PEAK1: variants seen among roughly 807,000 people sequenced by gnomAD.
The protein encoded by PEAK1 is inactive tyrosine-protein kinase PEAK1.
In PEAK1, 54 loss-of-function variants were observed where a neutral mutation model predicts 124.7. The observed-to-expected ratio is 0.43, with a 90% confidence interval of 0.35 to 0.54. The LOEUF is 0.54. Among genes scored for constraint, PEAK1 ranks in the 20% least tolerant of loss-of-function variants. The pLI, the probability that PEAK1 is intolerant of heterozygous loss-of-function variation, is 0.01. For missense variants in PEAK1, 2,046 were observed against 2,134.5 expected, an observed-to-expected ratio of 0.96 and a Z score of 0.82; for synonymous variants, 719 against 760.0, an observed-to-expected ratio of 0.95 and a Z score of 0.89.
At chr15:77,235,821 G>A (rs1459335528) in intron 6 of PEAK1, among the ~76,000 whole-genome samples, 2 of 152,220 alleles carry the variant, frequency 1.3e-5, no homozygotes, top group Non-Finnish European at 2.9e-5. Flanking sequence ...GCTGTGTTAA[G>A]ACATGGTGCC....
intron 2 of PEAK1, chr15:77,334,887 C>T (rs546643455): frequency 1.0e-6 from 1 of 985,344 alleles, no homozygotes; most frequent in Non-Finnish European, 1.2e-6. Flanking sequence ...TGTCAGATTG[C>T]TTCCTTTTTA....
intron 2 of PEAK1, among the ~76,000 whole-genome samples, chr15:77,293,755 G>A (rs1323602318): frequency 6.6e-6 from 1 of 152,132 alleles, no homozygotes; most frequent in Admixed American, 6.5e-5. Flanking sequence ...CTCTAGTCTA[G>A]TGTATGCTGA....
chr15:77,305,361 T>A (rs906658068), intron 2 of PEAK1, among the ~76,000 whole-genome samples: 1 of 151,964 alleles, frequency 6.6e-6, no homozygotes. Context: ...GCAGAGAAAT[T>A]AAGTCATTTG....
At chr15:77,182,900 C>A (rs2057358013) in intron 6 of PEAK1, among the ~76,000 whole-genome samples, 1 of 151,964 alleles carries the variant, frequency 6.6e-6, no homozygotes. Flanking sequence ...ATCCAATTTG[C>A]ATTTTAAAAA....
intron 6 of PEAK1, among the ~76,000 whole-genome samples, chr15:77,226,828 C>T (rs1382105134): frequency 1.3e-5 from 2 of 152,116 alleles, no homozygotes; most frequent in African/African-American, 2.4e-5. Context: ...TTCCTTATAA[C>T]GTATTACCAC....
chr15:77,391,749 G>A (rs527747944), intron 1 of PEAK1, among the ~76,000 whole-genome samples: 1 of 152,248 alleles, frequency 6.6e-6, no homozygotes, highest in East Asian at 1.9e-4. Context: ...CCTAAATTCT[G>A]CCAACTCGTG....
At chr15:77,325,450 T>TAAAA (rs869090086) in intron 2 of PEAK1, among the ~76,000 whole-genome samples, 1 of 134,596 alleles carries the variant, frequency 7.4e-6, no homozygotes, top group Non-Finnish European at 1.7e-5. Flanking sequence ...AATAAATAAA[T>TAAAA]AAAATAATTA....
chr15:77,389,989 C>T (rs2070313508), intron 1 of PEAK1, among the ~76,000 whole-genome samples: 1 of 152,162 alleles, frequency 6.6e-6, no homozygotes, highest in Non-Finnish European at 1.5e-5. Flanking sequence ...ATATTACATG[C>T]CACGTACTAT....
At chr15:77,126,838 T>C (rs1352478109) in intron 9 of PEAK1, among the ~76,000 whole-genome samples, 1 of 152,200 alleles carries the variant, frequency 6.6e-6, no homozygotes, top group Non-Finnish European at 1.5e-5. Flanking sequence ...AAGCTAATCA[T>C]GTTGAATGAA....
intron 2 of PEAK1, among the ~76,000 whole-genome samples, chr15:77,343,312 G>T (rs905477878): frequency 1.3e-5 from 2 of 151,946 alleles, no homozygotes; most frequent in African/African-American, 4.8e-5. Context: ...GAATTGTTTG[G>T]TTTTTTGTAG....
At chr15:77,334,865 C>T in intron 2 of PEAK1, 1 of 985,416 alleles carries the variant, frequency 1.0e-6, no homozygotes, top group African/African-American at 1.7e-5. Context: ...TATTTTCATG[C>T]CTTCAGAATC....
chr15:77,203,937 C>T (rs918447693), intron 6 of PEAK1, among the ~76,000 whole-genome samples: 9 of 151,936 alleles, frequency 5.9e-5, no homozygotes, highest in Admixed American at 2.6e-4. Context: ...AAATTAAAAA[C>T]GTCTACTCTG....
rs143107171 is a variant in PEAK1 at position 77,208,160 on chromosome 15, A to G, written c.-114-26120T>C. ...TACAGTGCTTCAGGTACTACTATGT[A>G]TGACGCATCTTTAATTCAATACAAT... On this transcript the variant is annotated intron_variant, in intron 6 of 9. Transcript: ENST00000682557. Among the ~76,000 whole-genome samples the G allele has an allele frequency of 5.2e-3, 794 of 152,316 alleles. 6 individuals carry two copies. The highest frequency in any genetic ancestry group is 0.018 in the African/African-American group (745 of 41,566).
At chr15:77,382,382 T>C (rs1471781806) in intron 1 of PEAK1, among the ~76,000 whole-genome samples, 1 of 152,256 alleles carries the variant, frequency 6.6e-6, no homozygotes, top group Non-Finnish European at 1.5e-5. Flanking sequence ...TCTTTAACGT[T>C]GTCTAATACT....
intron 2 of PEAK1, among the ~76,000 whole-genome samples, chr15:77,322,828 A>T (rs939207470): frequency 6.6e-6 from 1 of 152,116 alleles, no homozygotes; most frequent in Non-Finnish European, 1.5e-5. Flanking sequence ...CACAACAACA[A>T]CAAAAAAAGA....
At chr15:77,416,368 G>A (rs951882168) in intron 1 of PEAK1, among the ~76,000 whole-genome samples, 4 of 152,058 alleles carry the variant, frequency 2.6e-5, no homozygotes, top group African/African-American at 4.8e-5. Flanking sequence ...ATCCTGTCCC[G>A]TTAATAATAC....
chr15:77,301,607 G>T (rs1016738792), intron 2 of PEAK1, among the ~76,000 whole-genome samples: 1 of 152,108 alleles, frequency 6.6e-6, no homozygotes, highest in Non-Finnish European at 1.5e-5. Flanking sequence ...AAACCACACA[G>T]GTAAAGTGTC....
At chr15:77,353,864 A>C (rs979884273) in intron 2 of PEAK1, among the ~76,000 whole-genome samples, 1 of 152,250 alleles carries the variant, frequency 6.6e-6, no homozygotes, top group Admixed American at 6.5e-5. Context: ...CATAGGATGC[A>C]GAAAAGAAAA....
intron 5 of PEAK1, among the ~76,000 whole-genome samples, chr15:77,267,598 T>C (rs1041161255): frequency 6.6e-6 from 1 of 152,104 alleles, no homozygotes; most frequent in Non-Finnish European, 1.5e-5. Context: ...GGTGGCTAGA[T>C]CCAGAACAGA....
Sources: allele counts gnomAD v4.1 joint callset (sites outside exome capture counted in the v4.1 genomes callset), GRCh38; gene constraint gnomAD v4.1.1; transcripts MANE v1.5; gene names NCBI Gene and HGNC (gene_info 2026-07-23, HGNC 2026-07-21).